The following ERBB4 variants were observed in gnomAD, a reference collection of about 807,000 sequenced individuals.
ERBB4 encodes receptor tyrosine-protein kinase erbB-4.
ERBB4 carries 42 observed loss-of-function variants against 158.0 expected under a neutral mutation model. The observed-to-expected ratio is 0.27, with a 90% CI of 0.21 to 0.34. The LOEUF (loss-of-function observed/expected upper bound fraction) is 0.34. Among genes scored for constraint, ERBB4 ranks in the 10% least tolerant of loss-of-function variants. ERBB4 has a pLI of 1.00. For synonymous variants in ERBB4, 583 were observed against 558.7 expected, an observed-to-expected ratio of 1.04 and a Z score of -0.61; for missense variants, 1,333 against 1,624.1, an observed-to-expected ratio of 0.82 and a Z score of 3.08.
intron 20 of ERBB4, among the ~76,000 whole-genome samples, chr2:211,535,106 C>T (rs552145407): frequency 1.3e-4 from 20 of 152,016 alleles, no homozygotes; most frequent in African/African-American, 2.9e-4. Flanking sequence ...TTGTTTCCAA[C>T]GGGGAAAATT....
chr2:211,736,995 G>A (rs115732929), intron 5 of ERBB4, among the ~76,000 whole-genome samples: 3,561 of 152,176 alleles, frequency 0.023, 52 homozygotes, highest in Middle Eastern at 0.048. Flanking sequence ...GTCATGTCGC[G>A]ATAAAGAGGG....
chr2:212,518,925 C>T (rs1303341474), intron 1 of ERBB4, among the ~76,000 whole-genome samples: 1 of 151,804 alleles, frequency 6.6e-6, no homozygotes, highest in Non-Finnish European at 1.5e-5. Context: ...AGATTTTTTT[C>T]ACAGTCCTGA....
At chr2:212,180,960 T>G (rs1407320642) in intron 1 of ERBB4, among the ~76,000 whole-genome samples, 1 of 151,738 alleles carries the variant, frequency 6.6e-6, no homozygotes, top group Non-Finnish European at 1.5e-5. Flanking sequence ...GCTTTTATTT[T>G]ATGATCTAGA....
chr2:212,186,209 C>G (rs1057213203), intron 1 of ERBB4, among the ~76,000 whole-genome samples: 2 of 152,124 alleles, frequency 1.3e-5, no homozygotes, highest in African/African-American at 4.8e-5. Flanking sequence ...CCACTTCTGG[C>G]AAACTTCGCC....
chr2:211,425,939 C>A (rs2063617376), intron 22 of ERBB4, among the ~76,000 whole-genome samples: 2 of 152,062 alleles, frequency 1.3e-5, no homozygotes, highest in Admixed American at 6.6e-5. Flanking sequence ...CCACATCGGC[C>A]TCCCTAAATG....
intron 2 of ERBB4, among the ~76,000 whole-genome samples, chr2:211,949,631 T>C (rs1268125474): frequency 6.6e-6 from 1 of 152,224 alleles, no homozygotes; most frequent in Non-Finnish European, 1.5e-5. Flanking sequence ...GTGTATGATC[T>C]AGTCATCAGT....
intron 2 of ERBB4, among the ~76,000 whole-genome samples, chr2:212,096,286 T>C (rs985281923): frequency 8.4e-5 from 11 of 130,400 alleles, no homozygotes; most frequent in African/African-American, 2.2e-4. Context: ...CTTTAGTAGA[T>C]TGATAACAGC....
intron 4 of ERBB4, among the ~76,000 whole-genome samples, chr2:211,753,615 G>A (rs1376689763): frequency 6.6e-6 from 1 of 151,882 alleles, no homozygotes; most frequent in Non-Finnish European, 1.5e-5. Flanking sequence ...CTAATTCCCA[G>A]GGGCTTGGAA....
intron 3 of ERBB4, among the ~76,000 whole-genome samples, chr2:211,842,803 G>T (rs4673638): frequency 0.22 from 33,059 of 151,818 alleles, 3,722 homozygotes; most frequent in South Asian, 0.33. Flanking sequence ...TCAACACAGG[G>T]GTCGTATCTG....
intron 19 of ERBB4, among the ~76,000 whole-genome samples, chr2:211,570,090 T>C (rs1005372971): frequency 7.2e-5 from 11 of 152,174 alleles, no homozygotes; most frequent in African/African-American, 2.6e-4. Flanking sequence ...ATCTCCTGAT[T>C]TGATCCTCCA....
chr2:212,393,187 A>T (rs2090928673), intron 1 of ERBB4, among the ~76,000 whole-genome samples: 1 of 151,998 alleles, frequency 6.6e-6, no homozygotes, highest in South Asian at 2.1e-4. Flanking sequence ...CTACAAACTA[A>T]AGTGTCTTTG....
At chr2:211,542,310 AG>A (rs1396498092) in intron 20 of ERBB4, among the ~76,000 whole-genome samples, 1 of 152,004 alleles carries the variant, frequency 6.6e-6, no homozygotes, top group African/African-American at 2.4e-5. Flanking sequence ...AAACAAGTGA[AG>A]GAAAACTATC....
chr2:212,455,069 T>C (rs1688211421), intron 1 of ERBB4, among the ~76,000 whole-genome samples: 1 of 152,190 alleles, frequency 6.6e-6, no homozygotes, highest in African/African-American at 2.4e-5. Flanking sequence ...AAATTCTCCA[T>C]CTTCCCACCT....
chr2:211,706,086 T>G (rs1292512533), intron 9 of ERBB4, among the ~76,000 whole-genome samples: 1 of 152,150 alleles, frequency 6.6e-6, no homozygotes, highest in Non-Finnish European at 1.5e-5. Flanking sequence ...GTTTTAAAAT[T>G]TTATTACATT....
chr2:211,682,687 G>T (rs950767029), intron 12 of ERBB4, among the ~76,000 whole-genome samples: 6 of 151,984 alleles, frequency 3.9e-5, no homozygotes, highest in African/African-American at 1.5e-4. Context: ...TACATTTCTG[G>T]TTCTCTACTC....
intron 1 of ERBB4, among the ~76,000 whole-genome samples, chr2:212,166,497 A>G (rs909597855): frequency 6.6e-6 from 1 of 151,988 alleles, no homozygotes; most frequent in African/African-American, 2.4e-5. Context: ...GTCTCATGAA[A>G]ATGGTTATAC....
rs886234660 is a variant in ERBB4, at chr2:212,270,643, T to C, written c.83-145740A>G. Reference sequence around the variant, plus strand: ...TTTAAGAGGCCTGGAACTTTCTACGTTTTTTGGCCTTGAAATATTTACTCT... The same window carrying C: ...TTTAAGAGGCCTGGAACTTTCTACGCTTTTTGGCCTTGAAATATTTACTCT... On this transcript the variant is annotated intron_variant, in intron 1 of 27. Transcript: ENST00000342788. 5.3e-5 allele frequency among the ~76,000 whole-genome samples: 8 copies of C among 151,710 alleles called. 1 individual carries two copies. The highest frequency in any genetic ancestry group is 1.9e-4 in the African/African-American group (8 of 41,356).
At chr2:211,840,327 C>A (rs562477405) in intron 3 of ERBB4, among the ~76,000 whole-genome samples, 1 of 151,868 alleles carries the variant, frequency 6.6e-6, no homozygotes, top group African/African-American at 2.4e-5. Context: ...GTCTCTCCAG[C>A]CATGTGGAAC....
chr2:211,704,697 T>C (rs2073371477), intron 10 of ERBB4, among the ~76,000 whole-genome samples: 1 of 152,232 alleles, frequency 6.6e-6, no homozygotes, highest in African/African-American at 2.4e-5. Flanking sequence ...AAATGCTACA[T>C]GTTATCTATT....
Sources: gnomAD v4.1 joint callset for allele counts (sites outside exome capture counted in the v4.1 genomes callset) on GRCh38, gnomAD v4.1.1 for gene constraint, MANE v1.5 for transcripts, NCBI Gene and HGNC (gene_info 2026-07-23, HGNC 2026-07-21) for gene names.